TMEM132B: variants seen among roughly 807,000 people sequenced by gnomAD.
The protein encoded by TMEM132B is transmembrane protein 132B.
A neutral mutation model predicts 90.8 loss-of-function variants in TMEM132B; 18 were observed. The observed-to-expected ratio is 0.20, with a 90% confidence interval of 0.14 to 0.29. The LOEUF (loss-of-function observed/expected upper bound fraction) is 0.29. Ranked by LOEUF, TMEM132B falls within the 10% of genes least tolerant of loss-of-function variation. TMEM132B has a pLI of 1.00. For missense variants in TMEM132B, 1,096 were observed against 1,326.8 expected, an observed-to-expected ratio of 0.83 and a Z score of 2.70; for synonymous variants, 504 against 523.3, an observed-to-expected ratio of 0.96 and a Z score of 0.50.
At chr12:125,573,606 G>GT (rs1367825510) in intron 4 of TMEM132B, among the ~76,000 whole-genome samples, 1 of 152,200 alleles carries the variant, frequency 6.6e-6, no homozygotes, top group African/African-American at 2.4e-5. Context: ...AGCAACAGAG[G>GT]TTTATTTGTG....
intron 2 of TMEM132B, among the ~76,000 whole-genome samples, chr12:125,370,566 G>A (rs537083398): frequency 3.9e-4 from 60 of 152,210 alleles, no homozygotes; most frequent in African/African-American, 1.4e-3. Context: ...CCCCCATCAG[G>A]GTTTTCCTTC....
chr12:125,652,331 G>T (rs1886943763), intron 7 of TMEM132B, 110 bp from the exon 8 acceptor site: 1 of 976,200 alleles, frequency 1.0e-6, no homozygotes, highest in Non-Finnish European at 1.5e-6. Context: ...TCCCACAAAT[G>T]CATGCATTGA....
chr12:125,353,198 G>A (rs977927649), intron 2 of TMEM132B, among the ~76,000 whole-genome samples: 1 of 151,296 alleles, frequency 6.6e-6, no homozygotes, highest in Non-Finnish European at 1.5e-5. Context: ...TGCCATGGCA[G>A]ACATTACCAA....
In TMEM132B at chr12:125,331,416, G is replaced by A. The variant is rs1221668175; in HGVS notation, c.68-18036G>A. Among the ~76,000 whole-genome samples, 5 of 152,242 alleles carry A rather than the reference G, an allele frequency of 3.3e-5. No homozygotes were observed. The East Asian group carries it at 9.6e-4, about 29-fold the overall frequency. On this transcript the variant is annotated intron_variant, in intron 1 of 8. Coordinates refer to ENST00000682704, the MANE Select transcript of TMEM132B (RefSeq NM_001366854.1). ...CGAAGCCCTGGGGTCTGTGTGAAGG[G>A]GAGGTGCTGTTTCTTTCCCGAGTTC...
intron 1 of TMEM132B, among the ~76,000 whole-genome samples, chr12:125,283,130 GC>G (rs1301216908): frequency 6.6e-6 from 1 of 152,112 alleles, no homozygotes; most frequent in Non-Finnish European, 1.5e-5. Context: ...TTTAACATGA[GC>G]CCCCTTTTAC....
intron 1 of TMEM132B, chr12:125,326,761 T>A: frequency 2.2e-6 from 3 of 1,372,074 alleles, no homozygotes; most frequent in Non-Finnish European, 3.0e-6. Flanking sequence ...CTATTCAGAT[T>A]CTCCCTTTGC....
intron 1 of TMEM132B, among the ~76,000 whole-genome samples, chr12:125,270,943 T>C (rs971166353): frequency 7.1e-6 from 1 of 140,128 alleles, no homozygotes; most frequent in Non-Finnish European, 1.5e-5. Context: ...TTGGGAAACA[T>C]AGTTGTTTTT....
Position 125,445,573 on chromosome 12 carries a change from T to C in TMEM132B, c.1106+29896T>C, listed in dbSNP as rs1468345132. ...TTTTTTCTTCTTTTTCCTGCTGACA[T>C]CTGGCTGCAGTGGTGCATGGGCAGG... On this transcript the variant is annotated intron_variant, in intron 3 of 8. Coordinates refer to ENST00000682704, the MANE Select transcript of TMEM132B (RefSeq NM_001366854.1). This position sits in a 1 kb window ranked among gnomAD's most constrained non-coding sequence, Gnocchi z 4.3. Among the ~76,000 whole-genome samples, 4 of 152,216 alleles carry C rather than the reference T, an allele frequency of 2.6e-5. No homozygotes were observed. In the East Asian group the frequency reaches 7.7e-4, roughly 29 times the overall value.
intron 2 of TMEM132B, among the ~76,000 whole-genome samples, chr12:125,359,563 A>G (rs1373750799): frequency 1.3e-5 from 2 of 152,194 alleles, no homozygotes; most frequent in African/African-American, 4.8e-5. Context: ...TTATGGTTAC[A>G]ACTAAAGACC....
intron 2 of TMEM132B, among the ~76,000 whole-genome samples, chr12:125,380,848 T>C (rs1157643347): frequency 2.6e-5 from 4 of 152,180 alleles, no homozygotes; most frequent in Non-Finnish European, 5.9e-5. Flanking sequence ...GATCCCTGGT[T>C]CTGAAAACAT....
At position 125,406,778 on chromosome 12, in the gene TMEM132B, C is replaced by T. The variant is rs186155142; in HGVS notation, c.960-8753C>T. On this transcript the variant is annotated intron_variant, in intron 2 of 8. Coordinates refer to ENST00000682704, the MANE Select transcript of TMEM132B (RefSeq NM_001366854.1). This position sits in a 1 kb window ranked among gnomAD's most constrained non-coding sequence, Gnocchi z 8.3. ...TGCCATCTGCAAGTCTGGAGGGTCC[C>T]CAAGACCACCCTCAGGTTCAGTAAT... Among the ~76,000 whole-genome samples the T allele has an allele frequency of 4.6e-5, 7 of 152,220 alleles. No homozygotes were observed. The East Asian group carries it at 5.8e-4, about 13-fold the overall frequency.
intron 1 of TMEM132B, among the ~76,000 whole-genome samples, chr12:125,231,407 G>T (rs1873819073): frequency 6.6e-6 from 1 of 152,160 alleles, no homozygotes; most frequent in Admixed American, 6.5e-5. Context: ...CTGCATGAGT[G>T]ACCTTCTGTG....
At chr12:125,452,461 C>T (rs1881179350) in intron 3 of TMEM132B, among the ~76,000 whole-genome samples, 2 of 152,198 alleles carry the variant, frequency 1.3e-5, no homozygotes, top group Admixed American at 1.3e-4. Context: ...GCATGTGTCT[C>T]CCTGTGTACA....
chr12:125,233,118 C>A (rs1213301219), intron 1 of TMEM132B, among the ~76,000 whole-genome samples: 1 of 152,150 alleles, frequency 6.6e-6, no homozygotes, highest in African/African-American at 2.4e-5. Flanking sequence ...AGGGACTTAT[C>A]CAGGCCAGGA....
chr12:125,243,108 CACATATATATATAT>C (rs1389542476), intron 1 of TMEM132B, among the ~76,000 whole-genome samples: 4 of 68,394 alleles, frequency 5.8e-5, no homozygotes, highest in South Asian at 4.8e-4. Context: ...TATATATATA[CACATATATATATAT>C]ACACACACAC....
chr12:125,533,916 C>G (rs1338446303), intron 4 of TMEM132B, among the ~76,000 whole-genome samples: 1 of 152,100 alleles, frequency 6.6e-6, no homozygotes, highest in Non-Finnish European at 1.5e-5. Context: ...CATTTTTAAA[C>G]AATATATGGA....
chr12:125,432,635 G>A (rs1463535847), intron 3 of TMEM132B, among the ~76,000 whole-genome samples: 1 of 150,028 alleles, frequency 6.7e-6, no homozygotes, highest in Non-Finnish European at 1.5e-5. Context: ...GGGGCCTGTT[G>A]TTTATGAGCA....
At chr12:125,412,866 A>G (rs1279143032) in intron 2 of TMEM132B, among the ~76,000 whole-genome samples, 6 of 152,048 alleles carry the variant, frequency 3.9e-5, no homozygotes, top group Non-Finnish European at 7.4e-5. Context: ...GAACATCATG[A>G]CGGCAAGAAA....
chr12:125,625,160 T>C (rs1394039048), intron 5 of TMEM132B, among the ~76,000 whole-genome samples: 1 of 97,100 alleles, frequency 1.0e-5, no homozygotes, highest in African/African-American at 4.4e-5. Context: ...TGAGACTGAG[T>C]CTCGCTCTGT....
Sources: gnomAD v4.1 joint callset for allele counts (sites outside exome capture counted in the v4.1 genomes callset) on GRCh38, gnomAD v4.1.1 for gene constraint, Gnocchi (gnomAD v3.1) non-coding constraint, MANE v1.5 for transcripts, NCBI Gene and HGNC (gene_info 2026-07-23, HGNC 2026-07-21) for gene names.